The following NRXN1 variants were observed in gnomAD, a reference collection of about 807,000 sequenced individuals.
The protein encoded by NRXN1 is neurexin-1.
In NRXN1, 39 loss-of-function variants were observed where a neutral mutation model predicts 150.9. The observed-to-expected ratio is 0.26, with a 90% CI of 0.20 to 0.34. NRXN1 has a LOEUF of 0.34. Among genes scored for constraint, NRXN1 ranks in the 10% least tolerant of loss-of-function variants. The pLI is 1.00. For synonymous variants in NRXN1, 924 were observed against 757.0 expected, an observed-to-expected ratio of 1.22 and a Z score of -3.62; for missense variants, 1,815 against 1,949.9, an observed-to-expected ratio of 0.93 and a Z score of 1.30.
chr2:50,830,045 A>G (rs1265978727), intron 5 of NRXN1, among the ~76,000 whole-genome samples: 1 of 142,348 alleles, frequency 7.0e-6, no homozygotes, highest in Non-Finnish European at 1.5e-5. Context: ...ATTTCTTCAC[A>G]AAGTCTCTGG....
At chr2:50,665,688 G>A (rs928587231) in intron 5 of NRXN1, among the ~76,000 whole-genome samples, 2 of 151,946 alleles carry the variant, frequency 1.3e-5, no homozygotes, top group African/African-American at 4.8e-5. Context: ...CTGTGGTTTT[G>A]GAGGTCAGTT....
chr2:50,450,203 C>T (rs2086830310), intron 17 of NRXN1, among the ~76,000 whole-genome samples: 1 of 152,146 alleles, frequency 6.6e-6, no homozygotes, highest in Non-Finnish European at 1.5e-5. Flanking sequence ...CTGCTTCTGT[C>T]TTCCCAATTA....
chr2:51,024,017 T>G (rs918370041), intron 2 of NRXN1, among the ~76,000 whole-genome samples: 2 of 152,160 alleles, frequency 1.3e-5, no homozygotes, highest in Non-Finnish European at 2.9e-5. Flanking sequence ...GCACGAGACC[T>G]GGGGATCTGG....
chr2:50,207,072 A>T (rs2062652403), intron 18 of NRXN1, among the ~76,000 whole-genome samples: 1 of 152,192 alleles, frequency 6.6e-6, no homozygotes, highest in East Asian at 1.9e-4. Flanking sequence ...AAATTCATAA[A>T]AGTATGTTAG....
At chr2:49,977,717 G>A (rs1400516088) in intron 21 of NRXN1, among the ~76,000 whole-genome samples, 1 of 152,116 alleles carries the variant, frequency 6.6e-6, no homozygotes, top group Non-Finnish European at 1.5e-5. Flanking sequence ...TTAGTAAAGA[G>A]ATTAGGGTCA....
intron 5 of NRXN1, among the ~76,000 whole-genome samples, chr2:50,844,975 T>C (rs1296494313): frequency 1.3e-5 from 2 of 152,016 alleles, no homozygotes; most frequent in Non-Finnish European, 2.9e-5. Context: ...CACCTCAGCC[T>C]CTCAAGTAGC....
chr2:49,968,701 T>C (rs1328269391), intron 21 of NRXN1, among the ~76,000 whole-genome samples: 1 of 152,140 alleles, frequency 6.6e-6, no homozygotes, highest in South Asian at 2.1e-4. Flanking sequence ...TGTATCTCCT[T>C]GAACCACATT....
At chr2:50,175,393 T>G (rs2060293270) in intron 18 of NRXN1, among the ~76,000 whole-genome samples, 1 of 152,128 alleles carries the variant, frequency 6.6e-6, no homozygotes, top group Admixed American at 6.6e-5. Context: ...GAGAATTTGG[T>G]TTTCCTTTCC....
chr2:50,427,472 T>C (rs571830323), intron 17 of NRXN1, among the ~76,000 whole-genome samples: 3 of 152,098 alleles, frequency 2.0e-5, no homozygotes, highest in South Asian at 2.1e-4. Flanking sequence ...TCTGCTCATA[T>C]ATCAGAGTAT....
At chr2:50,166,324 TTTGTGTGTGTG>T (rs2059687389) in intron 18 of NRXN1, among the ~76,000 whole-genome samples, 1 of 124,742 alleles carries the variant, frequency 8.0e-6, no homozygotes, top group Non-Finnish European at 1.7e-5. Flanking sequence ...TGTGTGTGTG[TTTGTGTGTGTG>T]TGTGTGTTCA....
At chr2:50,232,718 T>G (rs981530458) in intron 18 of NRXN1, among the ~76,000 whole-genome samples, 1 of 152,070 alleles carries the variant, frequency 6.6e-6, no homozygotes, top group African/African-American at 2.4e-5. Context: ...TTATTATAAA[T>G]CATGTTCTCT....
chr2:50,379,096 AAC>A (rs1414773156), intron 17 of NRXN1, among the ~76,000 whole-genome samples: 1 of 152,096 alleles, frequency 6.6e-6, no homozygotes, highest in Non-Finnish European at 1.5e-5. Context: ...AATATGTTTG[AAC>A]AGAGGAGAGG....
At chr2:50,600,624 C>G (rs969915851) in intron 8 of NRXN1, among the ~76,000 whole-genome samples, 2 of 152,102 alleles carry the variant, frequency 1.3e-5, no homozygotes, top group Admixed American at 6.6e-5. Flanking sequence ...CACGCCCAGC[C>G]AAGTCTTGCT....
At chr2:50,082,773 C>T (rs533069966) in intron 19 of NRXN1, among the ~76,000 whole-genome samples, 2 of 152,142 alleles carry the variant, frequency 1.3e-5, no homozygotes, top group African/African-American at 4.8e-5. Context: ...ACCTATCCTC[C>T]CCACACAGTT....
rs529554690 is a variant in NRXN1, at chr2:49,992,185, C to G, written c.4129-48394G>C. Among the ~76,000 whole-genome samples, 3 of 152,132 alleles carry G rather than the reference C, an allele frequency of 2.0e-5. No individual in the cohort carries two copies. The South Asian group carries it at 6.2e-4, about 32-fold the overall frequency. ...GGGTATGGCACTGACTTTTTAGATA[C>G]AAAACCAAAGGATGATCCATGAGAG... is the stretch of plus-strand genomic sequence containing the variant. On this transcript the variant is annotated intron_variant, in intron 21 of 22. Transcript: ENST00000401669.
intron 17 of NRXN1, among the ~76,000 whole-genome samples, chr2:50,384,695 AT>A (rs1261108050): frequency 1.3e-5 from 2 of 152,044 alleles, no homozygotes; most frequent in Non-Finnish European, 2.9e-5. Context: ...TTGTCCCAAC[AT>A]TTTCTTTAAA....
chr2:50,540,582 A>T (rs931388938), intron 9 of NRXN1, among the ~76,000 whole-genome samples: 1 of 151,966 alleles, frequency 6.6e-6, no homozygotes, highest in Non-Finnish European at 1.5e-5. Flanking sequence ...TTTTAATGAC[A>T]AAAGGAAAGG....
In NRXN1 at chr2:50,792,607, T is replaced by A. The variant is rs527478027; in HGVS notation, c.832+129262A>T. Among the ~76,000 whole-genome samples, 9 of 152,134 alleles carry A rather than the reference T, an allele frequency of 5.9e-5. No homozygotes were observed. The South Asian group carries it at 1.2e-3, about 21-fold the overall frequency. On this transcript the variant is annotated intron_variant, in intron 5 of 22. Transcript: ENST00000401669. ...TAATGGGAGAAAGTTAAGCCTCAAA[T>A]AAGAAATTTCCTGAAATATTACCAA...
intron 17 of NRXN1, among the ~76,000 whole-genome samples, chr2:50,409,289 T>G (rs1189605274): frequency 6.6e-6 from 1 of 152,206 alleles, no homozygotes; most frequent in Non-Finnish European, 1.5e-5. Flanking sequence ...GAAGTCTTTA[T>G]CAGTTTCCTG....
Sources: gnomAD v4.1 joint callset for allele counts (sites outside exome capture counted in the v4.1 genomes callset) on GRCh38, gnomAD v4.1.1 for gene constraint, MANE v1.5 for transcripts, NCBI Gene and HGNC (gene_info 2026-07-23, HGNC 2026-07-21) for gene names.